Variants in PKD1L3 observed in about 807,000 individuals in gnomAD.
The protein encoded by PKD1L3 is polycystin-1-like protein 3.
A neutral mutation model predicts 184.1 loss-of-function variants in PKD1L3; 239 were observed. The observed-to-expected ratio is 1.30, with a 90% confidence interval of 1.17 to 1.45. The LOEUF (loss-of-function observed/expected upper bound fraction) is 1.45. Among genes scored for constraint, PKD1L3 ranks in the 40% most tolerant of loss-of-function variants. The probability of loss-of-function intolerance (pLI) is 0.00; values close to 1 mark genes in which losing one functional copy is unlikely to be tolerated. For synonymous variants in PKD1L3, 996 were observed against 778.8 expected, an observed-to-expected ratio of 1.28 and a Z score of -4.64; for missense variants, 2,660 against 2,067.2, an observed-to-expected ratio of 1.29 and a Z score of -5.56.
intron 24 of PKD1L3, among the ~76,000 whole-genome samples, chr16:71,940,456 C>T (rs1252087774): frequency 6.6e-6 from 1 of 151,978 alleles, no homozygotes; most frequent in African/African-American, 2.4e-5. Context: ...ACTTAGATAC[C>T]CAGTTGATAA....
At position 71,929,604 on chromosome 16, in the gene PKD1L3, G is replaced by A. The variant is rs1250982269; in HGVS notation, c.5133C>T (p.Thr1711=). 1.3e-6 allele frequency: 2 copies of A among 1,551,814 alleles called. No homozygotes were observed. The highest frequency in any genetic ancestry group is 1.2e-5 in the South Asian group (1 of 84,060). ...CTGTCGTGGCTGCTTGCTCAGATGA[G>A]GTTTTTTGGGGCCAACTGATTCCTA... The part of the protein sequence containing the change: ...NLLGISWPQK[T]SSEQAATTAV... The change falls in exon 30 of 30, where the codon ACC becomes ACT. Residue 1711 remains threonine, a synonymous_variant. Transcript: ENST00000620267.
In PKD1L3 at chr16:71,954,209, C is replaced by A. The variant is rs1356659821; in HGVS notation, c.2705G>T (p.Arg902Met). Reference protein sequence around the residue: ...ATRHPWNQFTRVQRLSCCMTL... With the variant: ...ATRHPWNQFTMVQRLSCCMTL... ...CATGCAGCAAGACAGCCGTTGGACC[C>A]TTGTAAACTGGTTCCAGGGATGCCG... is the stretch of plus-strand genomic sequence containing the variant. Residue 902 changes from arginine (R) to methionine (M), a missense_variant, in exon 17 of 30, where the codon AGG (arginine) becomes ATG (methionine). Coordinates refer to ENST00000620267, the MANE Select transcript of PKD1L3 (RefSeq NM_181536.2). 21 of 1,551,568 alleles carry A rather than the reference C, an allele frequency of 1.4e-5. No individual in the cohort carries two copies. Among genetic ancestry groups the A allele is most frequent in the Non-Finnish European group, 1.8e-5 (21 of 1,146,832 alleles).
At chr16:71,970,908 G>T (rs1393224423) in intron 12 of PKD1L3, among the ~76,000 whole-genome samples, 3 of 152,176 alleles carry the variant, frequency 2.0e-5, no homozygotes. Flanking sequence ...TACAACAAGA[G>T]ATATGTACAG....
intron 3 of PKD1L3, chr16:71,991,373 C>T (rs2040583912): frequency 5.5e-6 from 1 of 180,850 alleles, no homozygotes. Flanking sequence ...AAACAAAATC[C>T]TAAGGATAAC....
At chr16:71,932,148 A>G (rs1249850093) in intron 28 of PKD1L3, among the ~76,000 whole-genome samples, 1 of 152,240 alleles carries the variant, frequency 6.6e-6, no homozygotes, top group African/African-American at 2.4e-5. Context: ...CAGATACAAC[A>G]TTAGAAACTG....
rs34849069 is a variant in PKD1L3, at chr16:71,952,195, A to ATTTT, written c.3010-455_3010-452dup. On this transcript the variant is annotated intron_variant, in intron 18 of 29. Transcript: ENST00000620267. ...ACTGCGTGGGGAAAGGGAGCATGTCATTTTTTTTTTTTTTTTTTTTTTTTT... is the reference window on the plus strand; with the variant it reads ...ACTGCGTGGGGAAAGGGAGCATGTCATTTTTTTTTTTTTTTTTTTTTTTTTTTTT... Among the ~76,000 whole-genome samples the ATTTT allele has an allele frequency of 9.4e-4, 48 of 50,822 alleles. 3 individuals are homozygous for ATTTT. The highest frequency in any genetic ancestry group is 3.7e-3 in the East Asian group (5 of 1,348). The allele number at this position is 50,822 out of a possible 152,430, so 33.3% of individuals were successfully genotyped here.
In PKD1L3 at chr16:71,944,113, G is replaced by T. The variant is rs987824579; in HGVS notation, c.3776C>A (p.Ala1259Asp). The part of the protein sequence containing the change: ...SRDKNNPVYV[A>D]PAINSPTKHP... ...CTTAGTTGGACTATTTATAGCTGGG[G>T]CTACATAGACGGGGTTGTTCTTATC... Residue 1259 changes from alanine (A) to aspartate (D), a missense_variant, in exon 23 of 30, where the codon GCC (alanine) becomes GAC (aspartate). Physicochemically the swap from Ala to Asp is moderately radical, Grantham distance 126 (BLOSUM62 -2). Coordinates refer to ENST00000620267, the MANE Select transcript of PKD1L3 (RefSeq NM_181536.2). 2 of 1,551,306 alleles carry T rather than the reference G, an allele frequency of 1.3e-6. No individual in the cohort carries two copies. The highest frequency in any genetic ancestry group is 2.7e-5 in the African/African-American group (2 of 73,014).
chr16:71,986,723 G>T (rs896098877), intron 4 of PKD1L3, among the ~76,000 whole-genome samples: 1 of 152,032 alleles, frequency 6.6e-6, no homozygotes, highest in Non-Finnish European at 1.5e-5. Flanking sequence ...AAGTTGCTAA[G>T]AATGTTCTAG....
Position 71,949,868 on chromosome 16 carries a change from T to C in PKD1L3, c.3533A>G (p.Glu1178Gly), listed in dbSNP as rs1164769613. 6.4e-7 allele frequency: 1 copy of C among 1,551,458 alleles called. No individual in the cohort carries two copies. The highest frequency in any genetic ancestry group is 1.4e-5 in the African/African-American group (1 of 72,992). The change falls in exon 21 of 30, where the codon GAA becomes GGA. Residue 1178 changes from glutamate to glycine, a missense_variant. By Grantham distance (98) the Glu-to-Gly change is moderately conservative (BLOSUM62 -2). Transcript: ENST00000620267. ...SAFFTALYSL[E>G]LSKDQATSWM... ...GCTGGTGGCTTGGTCTTTGCTCAAT[T>C]CCAAGCTATAAAGTGCTGTAAAAAA...
chr16:71,980,748 T>C (rs1210880716), intron 7 of PKD1L3, among the ~76,000 whole-genome samples: 1 of 152,096 alleles, frequency 6.6e-6, no homozygotes, highest in Admixed American at 6.6e-5. Flanking sequence ...GGTGGAAGAA[T>C]TGCTTAAACC....
chr16:71,963,375 C>A (rs2039360200), intron 15 of PKD1L3, 24 bp from the exon 16 acceptor site: 2 of 1,527,808 alleles, frequency 1.3e-6, no homozygotes, highest in Non-Finnish European at 8.8e-7. Flanking sequence ...AAGATAACCA[C>A]ATTAGGGAGA....
Position 71,999,825 on chromosome 16 carries a change from G to C in PKD1L3, c.154C>G (p.His52Asp), listed in dbSNP as rs2040908802. 2 of 1,551,706 alleles carry C rather than the reference G, an allele frequency of 1.3e-6. No homozygotes were observed. Among genetic ancestry groups the C allele is most frequent in the Non-Finnish European group, 1.7e-6 (2 of 1,147,006 alleles). Residue 52 changes from histidine (H) to aspartate (D), a missense_variant, in exon 1 of 30, where the codon CAT becomes GAT. Coordinates refer to ENST00000620267, the MANE Select transcript of PKD1L3 (RefSeq NM_181536.2). ...TGAGCTAGGAATCCTCTCTGCACATGACAGTAATGCTGTGCTTCCTCAAAG... is the reference window on the plus strand; with the variant it reads ...TGAGCTAGGAATCCTCTCTGCACATCACAGTAATGCTGTGCTTCCTCAAAG... ...CSFEEAQHYCHVQRGFLAHIW... is the reference protein window; with the variant it reads ...CSFEEAQHYCDVQRGFLAHIW...
intron 4 of PKD1L3, among the ~76,000 whole-genome samples, chr16:71,987,380 C>G (rs2040413986): frequency 6.6e-6 from 1 of 151,826 alleles, no homozygotes; most frequent in Non-Finnish European, 1.5e-5. Context: ...ACCACCATGC[C>G]TGGCTACTTT....
At chr16:71,951,862 A>T (rs2038847984) in intron 18 of PKD1L3, 118 bp from the exon 19 acceptor site, 1 of 899,554 alleles carries the variant, frequency 1.1e-6, no homozygotes, top group African/African-American at 1.7e-5. Context: ...TAGCACAAAG[A>T]ACCTCAATTT....
At chr16:71,971,913 TCTA>T (rs1165078150) in intron 12 of PKD1L3, among the ~76,000 whole-genome samples, 3 of 152,046 alleles carry the variant, frequency 2.0e-5, no homozygotes, top group African/African-American at 7.2e-5. Flanking sequence ...AAACCCCATC[TCTA>T]CTAAAAATAC....
At position 71,945,289 on chromosome 16, in the gene PKD1L3, TATATATATATATATATACAC is replaced by T. The variant is rs1452766203; in HGVS notation, c.3719-1139_3719-1120del. On this transcript the variant is annotated intron_variant, in intron 22 of 29. Coordinates refer to ENST00000620267, the MANE Select transcript of PKD1L3 (RefSeq NM_181536.2). ...AACTATATATATATATATATATATA[TATATATATATATATATACAC>T]ACACACACACACATATATACACACA... Among the ~76,000 whole-genome samples the T allele has an allele frequency of 5.1e-3, 329 of 64,414 alleles. 10 individuals are homozygous for T. Among genetic ancestry groups the T allele is most frequent in the Middle Eastern group, 0.019 (3 of 160 alleles). 42.3% of individuals were successfully genotyped at this position (64,414 alleles called of 152,430 possible). A position where few individuals can be genotyped will look rare whatever the true frequency, so the allele number is the denominator to read the frequency against.
chr16:71,969,984 A>T lies in PKD1L3; in HGVS notation c.2075T>A (p.Leu692His). 6.4e-7 allele frequency: 1 copy of T among 1,551,824 alleles called. No homozygotes were observed. Among genetic ancestry groups the T allele is most frequent in the Non-Finnish European group, 8.7e-7 (1 of 1,147,042 alleles). ...CCCAACAGGATTGTTGGTCACGCGA[A>T]GGAACAGTTTGATCGTGTCTTCAAC... ...VNVEDTIKLF[L>H]RVTNNPVGVS... Residue 692 changes from leucine (L) to histidine (H), a missense_variant, in exon 13 of 30, where the codon CTT becomes CAT. Transcript: ENST00000620267.
At chr16:71,961,616 G>T (rs1003317185) in intron 16 of PKD1L3, among the ~76,000 whole-genome samples, 5 of 152,034 alleles carry the variant, frequency 3.3e-5, no homozygotes, top group Admixed American at 1.3e-4. Flanking sequence ...GACAGCCAGC[G>T]CCCCCTGCTG....
At chr16:71,994,975 T>C (rs2040733268) in intron 2 of PKD1L3, among the ~76,000 whole-genome samples, 1 of 151,804 alleles carries the variant, frequency 6.6e-6, no homozygotes, top group African/African-American at 2.4e-5. Context: ...GCAACAAGAG[T>C]AAAACTCCAT....
Sources: gnomAD v4.1 joint callset for allele counts (sites outside exome capture counted in the v4.1 genomes callset) on GRCh38, gnomAD v4.1.1 for gene constraint, MANE v1.5 for transcripts, NCBI Gene and HGNC (gene_info 2026-07-23, HGNC 2026-07-21) for gene names.